The following SAGE1 variants were observed in gnomAD, a reference collection of about 807,000 sequenced individuals.
SAGE1 encodes the protein sarcoma antigen 1.
In SAGE1, 55 loss-of-function variants were observed where a neutral mutation model predicts 55.4. The ratio of observed to expected loss-of-function variants is 0.99; its 90% CI spans 0.80 to 1.24. The LOEUF (loss-of-function observed/expected upper bound fraction) is 1.24, where lower values mean the gene tolerates loss of function less well. Ranked by LOEUF, SAGE1 falls within the 50% of genes most tolerant of loss-of-function variation. SAGE1 has a pLI of 0.00. For synonymous variants in SAGE1, 240 were observed against 244.3 expected, an observed-to-expected ratio of 0.98 and a Z score of 0.17; for missense variants, 710 against 704.4, an observed-to-expected ratio of 1.01 and a Z score of -0.09.
intron 2 of SAGE1, among the ~76,000 whole-genome samples, chrX:135,898,800 C>T (rs1385643778): frequency 9.0e-6 from 1 of 111,584 alleles, no homozygotes; most frequent in Non-Finnish European, 1.9e-5. Flanking sequence ...TCTTTTGAGA[C>T]GTGTCTGTTC....
intron 3 of SAGE1, among the ~76,000 whole-genome samples, chrX:135,902,151 C>T (rs1298002528): frequency 3.6e-5 from 4 of 111,227 alleles, no homozygotes; most frequent in Non-Finnish European, 7.5e-5. Flanking sequence ...TCTCCTCTCC[C>T]TTCCCACCTC....
chrX:135,908,195 AGCTG>A lies in SAGE1; in HGVS notation c.1268_1271del (p.Ala423ValfsTer5). 1 of 1,209,235 alleles carries A rather than the reference AGCTG, an allele frequency of 8.3e-7. No homozygotes were observed. On this transcript the variant is annotated frameshift_variant, in exon 11 of 20. Coordinates refer to ENST00000370709, the MANE Select transcript of SAGE1 (RefSeq NM_001381902.1). LOFTEE classifies it high-confidence loss of function. ...CACCAGAGCTTATTAACTTGGCAGG[AGCTG>A]GTATTCCACCCATGAGTACCAGGGA...
At position 135,911,908 on chromosome X, in the gene SAGE1, G is replaced by T; in HGVS notation, c.2476G>T (p.Asp826Tyr). Residue 826 changes from aspartate to tyrosine, a missense_variant, in exon 18 of 20, where the codon GAT (aspartate) becomes TAT (tyrosine). Asp to Tyr is a radical substitution (Grantham distance 160). Transcript: ENST00000370709. ...TGCCATGGCAAAGAAAATTAATGATGATATAAAATATCAATTAATGAAAGA... is the reference window on the plus strand; with the variant it reads ...TGCCATGGCAAAGAAAATTAATGATTATATAAAATATCAATTAATGAAAGA... ...SPAMAKKIND[D>Y]IKYQLMKEVR... The T allele has an allele frequency of 8.3e-7, 1 of 1,209,416 alleles. No individual in the cohort carries two copies. The highest frequency in any genetic ancestry group is 1.8e-5 in the South Asian group (1 of 56,836).
At chrX:135,903,398 G>A (rs1263197039) in intron 3 of SAGE1, among the ~76,000 whole-genome samples, 1 of 112,726 alleles carries the variant, frequency 8.9e-6, no homozygotes, top group Non-Finnish European at 1.9e-5. Context: ...TGCATGTACT[G>A]TCTGACTGCC....
intron 14 of SAGE1, 81 bp from the exon 15 acceptor site, chrX:135,909,949 A>T: frequency 9.4e-7 from 1 of 1,060,359 alleles, no homozygotes; most frequent in Non-Finnish European, 1.3e-6. Flanking sequence ...CTTTTCTAGA[A>T]GCTGAGCATC....
intron 19 of SAGE1, 32 bp from the exon 20 acceptor site, chrX:135,912,766 C>G: frequency 1.7e-6 from 2 of 1,199,149 alleles, no homozygotes; most frequent in Non-Finnish European, 2.3e-6. Flanking sequence ...TGTAGGTATC[C>G]TCTGGTGAAT....
chrX:135,913,016 A>C lies in SAGE1; in HGVS notation c.*119A>C, dbSNP rs1317881477. On this transcript the variant is annotated 3_prime_UTR_variant, in exon 20 of 20. Coordinates refer to ENST00000370709, the MANE Select transcript of SAGE1 (RefSeq NM_001381902.1). ...GAATTCCCTTCCAGAAGCTACGAAA[A>C]AGGGAGCTGTTTAAATTTAATAAAT... 2 of 481,270 alleles carry C rather than the reference A, an allele frequency of 4.2e-6. No homozygotes were observed. Among genetic ancestry groups the C allele is most frequent in the Non-Finnish European group, 7.0e-6 (2 of 284,906 alleles). The allele number at this position is 481,270 out of a possible 1,213,427, so 39.7% of individuals were successfully genotyped here. A position where few individuals can be genotyped will look rare whatever the true frequency, so the allele number is the denominator to read the frequency against.
chrX:135,902,229 G>A (rs1356409060), intron 3 of SAGE1, among the ~76,000 whole-genome samples: 7 of 110,950 alleles, frequency 6.3e-5, no homozygotes, highest in Non-Finnish European at 1.1e-4. Context: ...CTATTTAGGC[G>A]ATGCCGTGCT....
At chrX:135,904,747 G>A (rs2088753640) in intron 4 of SAGE1, among the ~76,000 whole-genome samples, 178 bp downstream of exon 4, 1 of 110,987 alleles carries the variant, frequency 9.0e-6, no homozygotes, top group Non-Finnish European at 1.9e-5. Context: ...TGGCCAGCTG[G>A]CATATCCTCC....
chrX:135,907,942 C>T, intron 10 of SAGE1, 101 bp downstream of exon 10: 1 of 1,081,070 alleles, frequency 9.3e-7, no homozygotes, highest in Middle Eastern at 2.6e-4. Flanking sequence ...GTTTTCTGGC[C>T]TCAATTTTAG....
chrX:135,906,469 T>A lies in SAGE1; in HGVS notation c.654T>A (p.Pro218=), dbSNP rs2088791412. 8.3e-6 allele frequency: 10 copies of A among 1,210,223 alleles called. No individual in the cohort carries two copies. Among genetic ancestry groups the A allele is most frequent in the Non-Finnish European group, 1.0e-5 (9 of 893,820 alleles). The change falls in exon 7 of 20, where the codon CCT becomes CCA. Residue 218 remains proline, a synonymous_variant. Transcript: ENST00000370709. ...EQKMENVQPA[P]DNVLLTLRPR... ...AGATGGAAAATGTCCAACCAGCACC[T>A]GATAACGTGTTGTTGACTCTTCGAC...
chrX:135,911,587 G>T lies in SAGE1; in HGVS notation c.2155G>T (p.Val719Phe). 1 of 1,197,326 alleles carries T rather than the reference G, an allele frequency of 8.4e-7. No homozygotes were observed. The highest frequency in any genetic ancestry group is 1.1e-6 in the Non-Finnish European group (1 of 883,816). ...CRSTRDLYAT[V>F]IHDIQEEEME... Reference sequence around the variant, plus strand: ...TTTCATTTGGATTCCAGATGCTACTGTCATTCACGATATCCAGGAGGAGGA... The same window carrying T: ...TTTCATTTGGATTCCAGATGCTACTTTCATTCACGATATCCAGGAGGAGGA... Residue 719 changes from valine to phenylalanine, a missense_variant, in exon 18 of 20, where the codon GTC (valine) becomes TTC (phenylalanine). Physicochemically the swap from Val to Phe is conservative, Grantham distance 50. Coordinates refer to ENST00000370709, the MANE Select transcript of SAGE1 (RefSeq NM_001381902.1).
intron 2 of SAGE1, among the ~76,000 whole-genome samples, chrX:135,896,647 T>C (rs1556594057): frequency 2.8e-5 from 3 of 107,541 alleles, no homozygotes; most frequent in African/African-American, 1.0e-4. Flanking sequence ...CAACCTCCAC[T>C]TCCCGGGTTC....
rs1294202779 is a variant in SAGE1 at position 135,893,719 on chromosome X, A to G, written c.-63A>G. 8.9e-6 allele frequency among the ~76,000 whole-genome samples: 1 copy of G among 112,058 alleles called. No individual in the cohort carries two copies. Among genetic ancestry groups the G allele is most frequent in the Non-Finnish European group, 1.9e-5 (1 of 53,127 alleles). On this transcript the variant is annotated 5_prime_UTR_variant, in exon 1 of 20. Transcript: ENST00000370709. ...GTGCTCTCTACAGGTGGCCTTCACT[A>G]TCAACTGCACAGCGGGCAGAGGCAG...
In SAGE1 at chrX:135,909,638, G is replaced by A. The variant is rs782455660; in HGVS notation, c.1583-1G>A. 9 of 1,198,349 alleles carry A rather than the reference G, an allele frequency of 7.5e-6. No homozygotes were observed. In the South Asian group the frequency reaches 1.1e-4, roughly 15 times the overall value. On this transcript the variant is annotated splice_acceptor_variant, in intron 13 of 19. Transcript: ENST00000370709. LOFTEE classifies it high-confidence loss of function. ...AGTCAACCTCTTTATTTGGTTTCCA[G>A]ATGCTACCGTCACTCAAAATGTCCA... is the stretch of plus-strand genomic sequence containing the variant.
intron 18 of SAGE1, 142 bp from the exon 19 acceptor site, chrX:135,912,179 T>G (rs2088910119): frequency 9.2e-7 from 1 of 1,090,855 alleles, no homozygotes; most frequent in Admixed American, 3.9e-5. Context: ...AATATACAGA[T>G]GTCGTGATTT....
chrX:135,908,173 C>T lies in SAGE1; in HGVS notation c.1244C>T (p.Pro415Leu), dbSNP rs1556603313. The change falls in exon 11 of 20, where the codon CCA becomes CTA. Residue 415 changes from proline to leucine, a missense_variant. By Grantham distance (98) the Pro-to-Leu change is moderately conservative. Coordinates refer to ENST00000370709, the MANE Select transcript of SAGE1 (RefSeq NM_001381902.1). Reference sequence around the variant, plus strand: ...GATAACGTCTTGTCAGCTGTTACACCAGAGCTTATTAACTTGGCAGGAGCT... The same window carrying T: ...GATAACGTCTTGTCAGCTGTTACACTAGAGCTTATTAACTTGGCAGGAGCT... ...TPDNVLSAVT[P>L]ELINLAGAGI... The T allele has an allele frequency of 5.0e-6, 6 of 1,206,825 alleles. No individual in the cohort carries two copies. The highest frequency in any genetic ancestry group is 4.4e-5 in the Admixed American group (2 of 45,605).
chrX:135,897,818 T>G (rs1246026947), intron 2 of SAGE1, among the ~76,000 whole-genome samples: 2 of 109,930 alleles, frequency 1.8e-5, no homozygotes, highest in African/African-American at 6.6e-5. Context: ...TCCTGATGCA[T>G]TCCCTCCCCC....
At chrX:135,898,356 G>C (rs1476697225) in intron 2 of SAGE1, among the ~76,000 whole-genome samples, 1 of 112,476 alleles carries the variant, frequency 8.9e-6, no homozygotes, top group Admixed American at 9.4e-5. Flanking sequence ...GTATTCCGTG[G>C]TGTATATGTA....
Sources: allele counts gnomAD v4.1 joint callset (sites outside exome capture counted in the v4.1 genomes callset), GRCh38; gene constraint gnomAD v4.1.1; transcripts MANE v1.5; gene names NCBI Gene and HGNC (gene_info 2026-07-23, HGNC 2026-07-21).